Variants in FHIT observed in about 807,000 individuals in gnomAD.
The protein encoded by FHIT is fragile histidine triad diadenosine triphosphatase.
A neutral mutation model predicts 17.9 loss-of-function variants in FHIT; 19 were observed. That is an observed-to-expected ratio of 1.06 (90% CI 0.74 to 1.56). The LOEUF (loss-of-function observed/expected upper bound fraction) is 1.56, where lower values mean the gene tolerates loss of function less well. FHIT is among the 40% of genes most tolerant of loss of function. The pLI, the probability that FHIT is intolerant of heterozygous loss-of-function variation, is 0.00. For synonymous variants in FHIT, 81 were observed against 69.7 expected, an observed-to-expected ratio of 1.16 and a Z score of -0.81; for missense variants, 248 against 189.2, an observed-to-expected ratio of 1.31 and a Z score of -1.82.
chr3:61,121,365 G>A (rs2036452103), intron 2 of FHIT, among the ~76,000 whole-genome samples: 1 of 152,166 alleles, frequency 6.6e-6, no homozygotes, highest in South Asian at 2.1e-4. Context: ...TATCCACAAA[G>A]GGAAGCCCAT....
chr3:61,172,167 T>A (rs957141597), intron 2 of FHIT, among the ~76,000 whole-genome samples: 1 of 152,038 alleles, frequency 6.6e-6, no homozygotes, highest in African/African-American at 2.4e-5. Context: ...CAGAAAACAA[T>A]CTCAATTATA....
chr3:60,461,469 T>C (rs182719238), intron 5 of FHIT, among the ~76,000 whole-genome samples: 248 of 152,340 alleles, frequency 1.6e-3, no homozygotes, highest in Admixed American at 2.7e-3. Context: ...CTTGTTCTCA[T>C]TGTCATAATT....
intron 5 of FHIT, among the ~76,000 whole-genome samples, chr3:60,135,978 C>T (rs1699799676): frequency 6.6e-6 from 1 of 152,126 alleles, no homozygotes; most frequent in South Asian, 2.1e-4. Context: ...TATAAAACGT[C>T]TCACCATCTG....
intron 4 of FHIT, among the ~76,000 whole-genome samples, chr3:60,804,757 C>G (rs577459523): frequency 4.9e-4 from 75 of 152,296 alleles, no homozygotes; most frequent in African/African-American, 1.7e-3. Flanking sequence ...ACCATTCTTT[C>G]TCCTCTCAAC....
intron 5 of FHIT, among the ~76,000 whole-genome samples, chr3:60,220,890 T>G (rs1487560035): frequency 6.6e-6 from 1 of 152,184 alleles, no homozygotes; most frequent in Non-Finnish European, 1.5e-5. Flanking sequence ...TCCAAGCCTT[T>G]CTGCATACAG....
chr3:60,558,793 T>C (rs1189251857), intron 4 of FHIT, among the ~76,000 whole-genome samples: 1 of 152,164 alleles, frequency 6.6e-6, no homozygotes, highest in Non-Finnish European at 1.5e-5. Flanking sequence ...TAGATACCAT[T>C]ACCAATCAAT....
At chr3:60,331,599 C>T (rs974163031) in intron 5 of FHIT, among the ~76,000 whole-genome samples, 1 of 152,170 alleles carries the variant, frequency 6.6e-6, no homozygotes, top group African/African-American at 2.4e-5. Flanking sequence ...GTAATCCCAG[C>T]ACTTTGGGAG....
Position 61,201,139 on chromosome 3 carries a change from C to T in FHIT, c.-212-474G>A, listed in dbSNP as rs570723403. 3.9e-5 allele frequency among the ~76,000 whole-genome samples: 6 copies of T among 152,300 alleles called. No individual in the cohort carries two copies. In the East Asian group the frequency reaches 1.2e-3, roughly 29 times the overall value. On this transcript the variant is annotated intron_variant, in intron 1 of 9. Transcript: ENST00000492590. ...GGTCCTTCTAATATAAACCTCACCA[C>T]TTGCTCCGTAAGTATATGTGTGCAT...
At chr3:61,012,688 A>G (rs1440506054) in intron 3 of FHIT, among the ~76,000 whole-genome samples, 1 of 151,318 alleles carries the variant, frequency 6.6e-6, no homozygotes, top group Admixed American at 6.6e-5. Flanking sequence ...TTTATATTTA[A>G]TAATTGTTAA....
intron 4 of FHIT, chr3:60,617,713 C>G (rs1356217301): frequency 6.5e-6 from 1 of 154,388 alleles, no homozygotes; most frequent in Non-Finnish European, 1.4e-5. Flanking sequence ...AGAAGAGGTA[C>G]AAAAGCTTGC....
chr3:60,452,073 T>C (rs1470520014), intron 5 of FHIT, among the ~76,000 whole-genome samples: 1 of 152,180 alleles, frequency 6.6e-6, no homozygotes, highest in Non-Finnish European at 1.5e-5. Flanking sequence ...ACTTTATTTC[T>C]ATACTTCTGT....
intron 5 of FHIT, among the ~76,000 whole-genome samples, chr3:60,174,999 G>A (rs1701604618): frequency 6.6e-6 from 1 of 152,080 alleles, no homozygotes. Context: ...AAAGGATAGG[G>A]GTGGATAATG....
At chr3:59,756,099 T>C (rs1330434803) in intron 8 of FHIT, among the ~76,000 whole-genome samples, 1 of 152,152 alleles carries the variant, frequency 6.6e-6, no homozygotes, top group East Asian at 1.9e-4. Flanking sequence ...ATTTTTAGGC[T>C]AAATAACACT....
At chr3:61,108,372 T>C (rs1353641994) in intron 2 of FHIT, among the ~76,000 whole-genome samples, 2 of 152,194 alleles carry the variant, frequency 1.3e-5, no homozygotes, top group African/African-American at 4.8e-5. Flanking sequence ...AACACTTACT[T>C]CCTAGAGCCA....
At chr3:60,454,020 G>A (rs2031923810) in intron 5 of FHIT, among the ~76,000 whole-genome samples, 1 of 152,092 alleles carries the variant, frequency 6.6e-6, no homozygotes, top group Admixed American at 6.6e-5. Context: ...TCATTTAAAT[G>A]ACTATTTCAT....
At chr3:59,773,889 A>ACCTGAGAG (rs1702183399) in intron 8 of FHIT, among the ~76,000 whole-genome samples, 6 of 152,334 alleles carry the variant, frequency 3.9e-5, no homozygotes, top group Middle Eastern at 3.4e-3. Flanking sequence ...GCAGGTGTAA[A>ACCTGAGAG]GTACATACCA....
intron 4 of FHIT, among the ~76,000 whole-genome samples, chr3:60,670,400 T>C (rs1219098257): frequency 2.0e-5 from 3 of 152,204 alleles, no homozygotes; most frequent in African/African-American, 7.2e-5. Context: ...GGACTTGGGA[T>C]AACCTTCTTT....
At chr3:60,102,776 G>C (rs1464677790) in intron 5 of FHIT, among the ~76,000 whole-genome samples, 2 of 152,020 alleles carry the variant, frequency 1.3e-5, no homozygotes, top group Non-Finnish European at 2.9e-5. Context: ...CAGGATTCAA[G>C]GGAGAATAAC....
chr3:60,927,653 A>C (rs1377197759), intron 3 of FHIT, among the ~76,000 whole-genome samples: 2 of 148,556 alleles, frequency 1.3e-5, no homozygotes, highest in African/African-American at 5.0e-5. Context: ...GGAGGTGAGG[A>C]GTGTCTCTGC....
Sources: gnomAD v4.1 joint callset for allele counts (sites outside exome capture counted in the v4.1 genomes callset) on GRCh38, gnomAD v4.1.1 for gene constraint, MANE v1.5 for transcripts, NCBI Gene and HGNC (gene_info 2026-07-23, HGNC 2026-07-21) for gene names.